Variants in CCDC85A observed in about 807,000 individuals in gnomAD.
The protein encoded by CCDC85A is coiled-coil domain-containing protein 85A.
A neutral mutation model predicts 50.2 loss-of-function variants in CCDC85A; 38 were observed. The observed-to-expected ratio is 0.76, with a 90% CI of 0.58 to 0.99. The LOEUF is 0.99. CCDC85A is among the 50% of genes least tolerant of loss of function. The pLI, the probability that CCDC85A is intolerant of heterozygous loss-of-function variation, is 0.00. For missense variants in CCDC85A, 820 were observed against 742.0 expected, an observed-to-expected ratio of 1.11 and a Z score of -1.22; for synonymous variants, 366 against 301.4, an observed-to-expected ratio of 1.21 and a Z score of -2.22.
At chr2:56,204,753 G>T (rs763688177) in intron 2 of CCDC85A, among the ~76,000 whole-genome samples, 1 of 152,148 alleles carries the variant, frequency 6.6e-6, no homozygotes, top group Non-Finnish European at 1.5e-5. Context: ...ACCATGCATG[G>T]CATGACCTAT....
intron 2 of CCDC85A, among the ~76,000 whole-genome samples, chr2:56,302,598 T>C (rs1026696882): frequency 3.2e-4 from 48 of 152,344 alleles, no homozygotes; most frequent in African/African-American, 1.1e-3. Context: ...GGTTTTATAC[T>C]ATTTGTTTAG....
intron 2 of CCDC85A, among the ~76,000 whole-genome samples, chr2:56,252,852 T>C (rs146267452): frequency 6.2e-4 from 94 of 152,196 alleles, no homozygotes; most frequent in Admixed American, 1.8e-3. Flanking sequence ...GCTTCATCCA[T>C]GTCCCTGCAA....
At chr2:56,360,257 G>C (rs1306619841) in intron 3 of CCDC85A, among the ~76,000 whole-genome samples, 1 of 152,180 alleles carries the variant, frequency 6.6e-6, no homozygotes, top group East Asian at 1.9e-4. Flanking sequence ...AATGTTTTCA[G>C]AATGCTTTGC....
intron 2 of CCDC85A, among the ~76,000 whole-genome samples, chr2:56,254,288 T>A (rs1669889365): frequency 6.6e-6 from 1 of 152,162 alleles, no homozygotes; most frequent in African/African-American, 2.4e-5. Flanking sequence ...TCCCAGCAGT[T>A]TCTCTGGTGA....
At chr2:56,275,629 C>T (rs1670899362) in intron 2 of CCDC85A, among the ~76,000 whole-genome samples, 2 of 152,196 alleles carry the variant, frequency 1.3e-5, no homozygotes, top group Non-Finnish European at 1.5e-5. Context: ...TTGACCAATA[C>T]TGAGCCTGAA....
At chr2:56,252,636 G>C (rs891254964) in intron 2 of CCDC85A, among the ~76,000 whole-genome samples, 1 of 152,012 alleles carries the variant, frequency 6.6e-6, no homozygotes, top group Non-Finnish European at 1.5e-5. Flanking sequence ...GTGGTTTGCT[G>C]CACCCATCAA....
At chr2:56,218,391 C>T (rs879525600) in intron 2 of CCDC85A, among the ~76,000 whole-genome samples, 18 of 151,648 alleles carry the variant, frequency 1.2e-4, no homozygotes, top group African/African-American at 3.4e-4. Flanking sequence ...TTAGAAAAAA[C>T]GCTTAAAATT....
chr2:56,247,445 T>C (rs957089606), intron 2 of CCDC85A, among the ~76,000 whole-genome samples: 2 of 152,172 alleles, frequency 1.3e-5, no homozygotes, highest in Non-Finnish European at 2.9e-5. Flanking sequence ...AACTGGCACT[T>C]TTCATAGGAG....
chr2:56,237,935 A>C (rs1257665769), intron 2 of CCDC85A, among the ~76,000 whole-genome samples: 1 of 152,104 alleles, frequency 6.6e-6, no homozygotes, highest in Non-Finnish European at 1.5e-5. Flanking sequence ...TTGTATCCTC[A>C]TGGTAACTTT....
In CCDC85A at chr2:56,248,551, A is replaced by G. The variant is rs138440378; in HGVS notation, c.1240+55111A>G. 1.5e-3 allele frequency among the ~76,000 whole-genome samples: 224 copies of G among 152,146 alleles called. 1 individual carries two copies. Among genetic ancestry groups the G allele is most frequent in the African/African-American group, 5.0e-3 (208 of 41,512 alleles). ...CCTAGGGCTCCCACTGTGGCAATTG[A>G]CTCAGTCCTGCCTGGGGTGCTTCTG... On this transcript the variant is annotated intron_variant, in intron 2 of 5. Coordinates refer to ENST00000407595, the MANE Select transcript of CCDC85A (RefSeq NM_001080433.2).
intron 2 of CCDC85A, among the ~76,000 whole-genome samples, chr2:56,322,008 T>A (rs957044377): frequency 6.6e-5 from 10 of 152,178 alleles, no homozygotes; most frequent in Non-Finnish European, 1.2e-4. Flanking sequence ...AACCATCTGG[T>A]CTTTGACAAA....
chr2:56,310,672 G>T (rs572455956), intron 2 of CCDC85A, among the ~76,000 whole-genome samples: 1 of 152,134 alleles, frequency 6.6e-6, no homozygotes, highest in Admixed American at 6.6e-5. Context: ...TGGGATTTCT[G>T]TTATCAGAGC....
chr2:56,256,224 T>A (rs1669977559), intron 2 of CCDC85A, among the ~76,000 whole-genome samples: 1 of 152,222 alleles, frequency 6.6e-6, no homozygotes, highest in Non-Finnish European at 1.5e-5. Context: ...TTGCATTTTC[T>A]GGAATTGTGC....
chr2:56,263,939 C>G (rs147406435), intron 2 of CCDC85A, among the ~76,000 whole-genome samples: 46 of 152,294 alleles, frequency 3.0e-4, no homozygotes, highest in African/African-American at 1.0e-3. Flanking sequence ...CTGGGCCACA[C>G]TGGAAGAAGA....
At chr2:56,238,289 C>T (rs944626622) in intron 2 of CCDC85A, among the ~76,000 whole-genome samples, 9 of 151,932 alleles carry the variant, frequency 5.9e-5, no homozygotes, top group Non-Finnish European at 8.8e-5. Context: ...TGGTGGTGGG[C>T]GCCTGTAATC....
In CCDC85A at chr2:56,363,115, T is replaced by A. The variant is rs146973769; in HGVS notation, c.1318-9229T>A. ...ATCTTGTTTTCCATCGTATTTTTTT[T>A]ATAAGAAGGTAGGGCACAGATAAAC... On this transcript the variant is annotated intron_variant, in intron 3 of 5. Coordinates refer to ENST00000407595, the MANE Select transcript of CCDC85A (RefSeq NM_001080433.2). Among the ~76,000 whole-genome samples, 1,060 of 152,346 alleles carry A rather than the reference T, an allele frequency of 7.0e-3. 7 individuals are homozygous for A. The highest frequency in any genetic ancestry group is 0.02 in the Middle Eastern group (6 of 294).
At chr2:56,280,490 T>C (rs1345608956) in intron 2 of CCDC85A, among the ~76,000 whole-genome samples, 1 of 152,154 alleles carries the variant, frequency 6.6e-6, no homozygotes, top group African/African-American at 2.4e-5. Context: ...TGACCGTCCA[T>C]AGTACATGCC....
chr2:56,333,761 G>C lies in CCDC85A; in HGVS notation c.1241-9118G>C, dbSNP rs538519520. On this transcript the variant is annotated intron_variant, in intron 2 of 5. Transcript: ENST00000407595. Reference sequence around the variant, plus strand: ...GAAGGGAAGTGGGGTGTGAGAGAGAGGAACCACGCATAATTCTAAAATTTT... The same window carrying C: ...GAAGGGAAGTGGGGTGTGAGAGAGACGAACCACGCATAATTCTAAAATTTT... Among the ~76,000 whole-genome samples, 3 of 152,098 alleles carry C rather than the reference G, an allele frequency of 2.0e-5. No homozygotes were observed. In the East Asian group the frequency reaches 5.8e-4, roughly 29 times the overall value.
chr2:56,189,589 GTGT>G (rs763755271), intron 1 of CCDC85A, among the ~76,000 whole-genome samples: 1 of 151,992 alleles, frequency 6.6e-6, no homozygotes, highest in Non-Finnish European at 1.5e-5. Context: ...TTGAACCCAG[GTGT>G]TGTTGTTTTT....
Sources: allele counts gnomAD v4.1 joint callset (sites outside exome capture counted in the v4.1 genomes callset), GRCh38; gene constraint gnomAD v4.1.1; transcripts MANE v1.5; gene names NCBI Gene and HGNC (gene_info 2026-07-23, HGNC 2026-07-21).